The following EMILIN2 variants were observed in gnomAD, a reference collection of about 807,000 sequenced individuals.
EMILIN2 encodes the protein EMILIN-2.
Under a neutral mutation model 87.1 loss-of-function variants are expected in EMILIN2, and 71 were observed. That is an observed-to-expected ratio of 0.82 (90% CI 0.67 to 0.99). EMILIN2 has a LOEUF of 0.99. EMILIN2 is among the 50% of genes least tolerant of loss of function. The pLI is 0.00. For synonymous variants in EMILIN2, 581 were observed against 563.4 expected, an observed-to-expected ratio of 1.03 and a Z score of -0.44; for missense variants, 1,407 against 1,371.8, an observed-to-expected ratio of 1.03 and a Z score of -0.40.
rs1019843035 is a variant in EMILIN2 at position 2,880,564 on chromosome 18, G to A, written c.258-4400G>A. On this transcript the variant is annotated intron_variant, in intron 2 of 7. Coordinates refer to ENST00000254528, the MANE Select transcript of EMILIN2 (RefSeq NM_032048.3). The surrounding 1 kb of genome is among the most constrained non-coding windows in gnomAD (Gnocchi z 4.1). ...CTGGGGCACCATCACAGTCACAGCC[G>A]AGGCTGGGAAGGGAGCCAGGGCTGC... Among the ~76,000 whole-genome samples the A allele has an allele frequency of 4.6e-5, 7 of 152,186 alleles. No individual in the cohort carries two copies. Among genetic ancestry groups the A allele is most frequent in the African/African-American group, 1.7e-4 (7 of 41,440 alleles).
intron 4 of EMILIN2, among the ~76,000 whole-genome samples, chr18:2,893,537 T>G (rs2076849789): frequency 6.6e-6 from 1 of 152,182 alleles, no homozygotes; most frequent in Non-Finnish European, 1.5e-5. Flanking sequence ...AATGAATGAA[T>G]AATATATGTA....
chr18:2,868,298 G>A lies in EMILIN2; in HGVS notation c.258-16666G>A, dbSNP rs571100485. ...GATGGGATGGCGGCGGGGAAGAGGC[G>A]CTCCTCACTTTCCAGACTGGGCAGC... On this transcript the variant is annotated intron_variant, in intron 2 of 7. Coordinates refer to ENST00000254528, the MANE Select transcript of EMILIN2 (RefSeq NM_032048.3). Among the ~76,000 whole-genome samples, 10 of 151,852 alleles carry A rather than the reference G, an allele frequency of 6.6e-5. 1 individual carries two copies. The East Asian group carries it at 1.8e-3, about 27-fold the overall frequency.
At chr18:2,873,128 G>A (rs1466223225) in intron 2 of EMILIN2, among the ~76,000 whole-genome samples, 1 of 152,168 alleles carries the variant, frequency 6.6e-6, no homozygotes, top group African/African-American at 2.4e-5. Flanking sequence ...TTACAGGCCG[G>A]GGCCGGGCAT....
intron 2 of EMILIN2, among the ~76,000 whole-genome samples, chr18:2,867,061 G>A (rs2076690040): frequency 6.6e-6 from 1 of 152,080 alleles, no homozygotes; most frequent in South Asian, 2.1e-4. Context: ...TTGATATGGT[G>A]GCTTATCTTT....
intron 2 of EMILIN2, among the ~76,000 whole-genome samples, chr18:2,855,517 C>G (rs1197259875): frequency 6.6e-6 from 1 of 152,232 alleles, no homozygotes; most frequent in African/African-American, 2.4e-5. Context: ...CGTAACTGGT[C>G]TTCCTCTGTT....
At chr18:2,896,537 A>G (rs1334386034) in intron 4 of EMILIN2, among the ~76,000 whole-genome samples, 1 of 152,188 alleles carries the variant, frequency 6.6e-6, no homozygotes, top group African/African-American at 2.4e-5. Context: ...ACAGTGGTGC[A>G]ATCACAGCTA....
At chr18:2,869,071 T>C (rs2076706158) in intron 2 of EMILIN2, among the ~76,000 whole-genome samples, 1 of 152,162 alleles carries the variant, frequency 6.6e-6, no homozygotes, top group South Asian at 2.1e-4. Context: ...CAATTGGTTA[T>C]GTGTCTGAAG....
At position 2,906,961 on chromosome 18, in the gene EMILIN2, G is replaced by GGT. The variant is rs2076916765; in HGVS notation, c.2539_2540insTG (p.Glu847ValfsTer50). 2.8e-6 allele frequency: 4 copies of GGT among 1,404,678 alleles called. No homozygotes were observed. The allele number at this position is 1,404,678 out of a possible 1,614,324, so 87.0% of individuals were successfully genotyped here. ...CGCCAGGCTCCACCGGGGTCATCGCGGAGACGGGCCAGGCCGGGCCCCCCG... is the reference window on the plus strand; with the variant it reads ...CGCCAGGCTCCACCGGGGTCATCGCGGTGAGACGGGCCAGGCCGGGCCCCCCG... On this transcript the variant is annotated frameshift_variant, in exon 5 of 8. Coordinates refer to ENST00000254528, the MANE Select transcript of EMILIN2 (RefSeq NM_032048.3). LOFTEE classifies it high-confidence loss of function.
intron 2 of EMILIN2, among the ~76,000 whole-genome samples, chr18:2,875,109 G>A (rs1317507983): frequency 3.9e-5 from 6 of 152,328 alleles, no homozygotes; most frequent in Admixed American, 1.3e-4. Flanking sequence ...GAGGGGTGCC[G>A]GTGCTGCAAA....
At chr18:2,866,621 A>G (rs768586926) in intron 2 of EMILIN2, among the ~76,000 whole-genome samples, 2 of 152,220 alleles carry the variant, frequency 1.3e-5, no homozygotes, top group African/African-American at 2.4e-5. Flanking sequence ...TTTTCTACGT[A>G]TATAATCATA....
chr18:2,881,813 A>G (rs2076777947), intron 2 of EMILIN2, among the ~76,000 whole-genome samples: 1 of 152,242 alleles, frequency 6.6e-6, no homozygotes, highest in African/African-American at 2.4e-5. Flanking sequence ...AATCCAGCGC[A>G]ATGATGCTTT....
At chr18:2,862,569 C>T (rs2076666472) in intron 2 of EMILIN2, among the ~76,000 whole-genome samples, 1 of 152,136 alleles carries the variant, frequency 6.6e-6, no homozygotes, top group Admixed American at 6.6e-5. Context: ...AGGGATGAAG[C>T]CCACTTGATC....
intron 2 of EMILIN2, among the ~76,000 whole-genome samples, chr18:2,881,250 G>A (rs2076775557): frequency 6.6e-6 from 1 of 152,206 alleles, no homozygotes; most frequent in African/African-American, 2.4e-5. Flanking sequence ...ACCGCAGGAG[G>A]TGGCTGCTGA....
intron 5 of EMILIN2, among the ~76,000 whole-genome samples, chr18:2,908,285 C>T (rs590027): frequency 0.54 from 82,058 of 151,966 alleles, 22,579 homozygotes; most frequent in East Asian, 0.77. Context: ...CTTCCATCCA[C>T]CCTTCCATCC....
chr18:2,849,056 T>C (rs1267329888), intron 2 of EMILIN2, among the ~76,000 whole-genome samples: 1 of 152,194 alleles, frequency 6.6e-6, no homozygotes, highest in African/African-American at 2.4e-5. Flanking sequence ...CCCCATTTCC[T>C]AATATACAGT....
At chr18:2,909,891 G>A in intron 7 of EMILIN2, 72 bp downstream of exon 7, 1 of 1,576,664 alleles carries the variant, frequency 6.3e-7, no homozygotes. Context: ...TCCCACCATG[G>A]CTGGCTGGTT....
chr18:2,847,782 C>T lies in EMILIN2; in HGVS notation c.135-27C>T, dbSNP rs2076582842. 2.5e-6 allele frequency: 4 copies of T among 1,610,402 alleles called. No individual in the cohort carries two copies. Among genetic ancestry groups the T allele is most frequent in the Non-Finnish European group, 3.4e-6 (4 of 1,179,354 alleles). On this transcript the variant is annotated intron_variant, in intron 1 of 7. Coordinates refer to ENST00000254528, the MANE Select transcript of EMILIN2 (RefSeq NM_032048.3). This position sits in a 1 kb window ranked among gnomAD's most constrained non-coding sequence, Gnocchi z 4.5. Reference sequence around the variant, plus strand: ...TTGTTCTCCGGGTTTACCCCGTGCCCCTCTCCCTCTCTCTCCTGCACCCCA... The same window carrying T: ...TTGTTCTCCGGGTTTACCCCGTGCCTCTCTCCCTCTCTCTCCTGCACCCCA...
intron 5 of EMILIN2, among the ~76,000 whole-genome samples, chr18:2,907,962 CCCATCGGTGATAG>C (rs1180531979): frequency 6.6e-6 from 1 of 152,202 alleles, no homozygotes; most frequent in East Asian, 1.9e-4. Context: ...GGGGTTGTTC[CCCATCGGTGATAG>C]CCTGGTGCCC....
At chr18:2,854,382 G>A (rs567517859) in intron 2 of EMILIN2, among the ~76,000 whole-genome samples, 1 of 152,248 alleles carries the variant, frequency 6.6e-6, no homozygotes, top group Admixed American at 6.5e-5. Flanking sequence ...GTGGAGTTCA[G>A]GACACCTCTA....
Sources: gnomAD v4.1 joint callset for allele counts (sites outside exome capture counted in the v4.1 genomes callset) on GRCh38, gnomAD v4.1.1 for gene constraint, Gnocchi (gnomAD v3.1) non-coding constraint, MANE v1.5 for transcripts, NCBI Gene and HGNC (gene_info 2026-07-23, HGNC 2026-07-21) for gene names.